The following NLN variants were observed in gnomAD, a reference collection of about 807,000 sequenced individuals.
NLN encodes the protein neurolysin.
A neutral mutation model predicts 79.9 loss-of-function variants in NLN; 64 were observed. That is an observed-to-expected ratio of 0.80 (90% confidence interval 0.65 to 0.99). The LOEUF (loss-of-function observed/expected upper bound fraction) is 0.99. Ranked by LOEUF, NLN falls within the 50% of genes least tolerant of loss-of-function variation. NLN has a pLI of 0.00. For synonymous variants in NLN, 267 were observed against 296.6 expected, an observed-to-expected ratio of 0.90 and a Z score of 1.02; for missense variants, 835 against 858.7, an observed-to-expected ratio of 0.97 and a Z score of 0.34.
chr5:65,826,425 G>C lies in NLN; in HGVS notation c.*3510G>C, dbSNP rs1760922530. ...TAACGAATACTGATTCCTCAAATAG[G>C]GTTTAAACATAGTTAACTGAGCCCC... On this transcript the variant is annotated 3_prime_UTR_variant, in exon 13 of 13. Coordinates refer to ENST00000380985, the MANE Select transcript of NLN (RefSeq NM_020726.5). 6.6e-6 allele frequency: 1 copy of C among 152,016 alleles called. No individual in the cohort carries two copies. Among genetic ancestry groups the C allele is most frequent in the South Asian group, 2.1e-4 (1 of 4,822 alleles). The allele number at this position is 152,016 out of a possible 1,614,324, so 9.4% of individuals were successfully genotyped here.
chr5:65,827,844 C>T lies in NLN; in HGVS notation c.*4929C>T, dbSNP rs1760947631. The T allele has an allele frequency of 6.6e-6, 1 of 152,102 alleles. No individual in the cohort carries two copies. The highest frequency in any genetic ancestry group is 2.1e-4 in the South Asian group (1 of 4,824). The allele number at this position is 152,102 out of a possible 1,614,324, so 9.4% of individuals were successfully genotyped here. ...CCAGCTTGGCCAACATGGCGAAACC[C>T]GTCTCTACTAAAGAATACAAAAATT... On this transcript the variant is annotated 3_prime_UTR_variant, in exon 13 of 13. Coordinates refer to ENST00000380985, the MANE Select transcript of NLN (RefSeq NM_020726.5).
rs547218858 is a variant in NLN at position 65,823,736 on chromosome 5, A to G, written c.*821A>G. ...AGTCCAAGCACATTTTTCTCTTCTC[A>G]CGTTTCTAATAAGTGTTAGGGACTT... On this transcript the variant is annotated 3_prime_UTR_variant, in exon 13 of 13. Coordinates refer to ENST00000380985, the MANE Select transcript of NLN (RefSeq NM_020726.5). 1.3e-5 allele frequency: 2 copies of G among 152,158 alleles called. No individual in the cohort carries two copies. Among genetic ancestry groups the G allele is most frequent in the East Asian group, 3.9e-4 (2 of 5,184 alleles). 9.4% of individuals were successfully genotyped at this position (152,158 alleles called of 1,614,324 possible).
chr5:65,828,404 G>A lies in NLN; in HGVS notation c.*5489G>A, dbSNP rs938203665. The A allele has an allele frequency of 1.3e-5, 2 of 152,162 alleles. No homozygotes were observed. The highest frequency in any genetic ancestry group is 6.5e-5 in the Admixed American group (1 of 15,272). 9.4% of individuals were successfully genotyped at this position (152,162 alleles called of 1,614,324 possible). A position where few individuals can be genotyped will look rare whatever the true frequency, so the allele number is the denominator to read the frequency against. ...TTTGCAGGAGCAGTAACAAGATGGT[G>A]ATAACTTTGAAAATACTTCTCAAAA... On this transcript the variant is annotated 3_prime_UTR_variant, in exon 13 of 13. Coordinates refer to ENST00000380985, the MANE Select transcript of NLN (RefSeq NM_020726.5).
chr5:65,770,181 T>A (rs1001895430), intron 3 of NLN, among the ~76,000 whole-genome samples: 1 of 152,148 alleles, frequency 6.6e-6, no homozygotes, highest in Non-Finnish European at 1.5e-5. Flanking sequence ...CTGCTAACTA[T>A]GAAATATAAG....
chr5:65,770,188 T>C (rs1759537995), intron 3 of NLN, among the ~76,000 whole-genome samples: 1 of 152,186 alleles, frequency 6.6e-6, no homozygotes, highest in South Asian at 2.1e-4. Context: ...CTATGAAATA[T>C]AAGGCTAATA....
At chr5:65,756,508 T>G (rs530621067) in intron 1 of NLN, among the ~76,000 whole-genome samples, 2 of 152,306 alleles carry the variant, frequency 1.3e-5, no homozygotes, top group South Asian at 4.1e-4. Context: ...ACTTCTCTCT[T>G]GAATGATCTC....
At chr5:65,778,435 A>G (rs949464529) in intron 4 of NLN, among the ~76,000 whole-genome samples, 2 of 152,144 alleles carry the variant, frequency 1.3e-5, no homozygotes, top group African/African-American at 4.8e-5. Context: ...AGATATGGGT[A>G]CCTTTCTCCC....
chr5:65,756,684 G>T (rs535383473), intron 1 of NLN, among the ~76,000 whole-genome samples: 1 of 152,056 alleles, frequency 6.6e-6, no homozygotes, highest in Admixed American at 6.6e-5. Flanking sequence ...TTAATGTTTC[G>T]TAGAGACAAT....
chr5:65,746,914 G>C lies in NLN; in HGVS notation c.42-11653G>C, dbSNP rs890393361. Among the ~76,000 whole-genome samples, 6 of 151,798 alleles carry C rather than the reference G, an allele frequency of 4.0e-5. No homozygotes were observed. In the South Asian group the frequency reaches 8.3e-4, roughly 21 times the overall value. ...AGCTACTCGGGAGGCTGAGGCAGGA[G>C]AATGGCGTGAACCCAAGAGGCGGAG... On this transcript the variant is annotated intron_variant, in intron 1 of 12. Coordinates refer to ENST00000380985, the MANE Select transcript of NLN (RefSeq NM_020726.5).
At chr5:65,815,256 T>G (rs1760645157) in intron 12 of NLN, among the ~76,000 whole-genome samples, 2 of 152,182 alleles carry the variant, frequency 1.3e-5, no homozygotes, top group Non-Finnish European at 2.9e-5. Flanking sequence ...GCTGTCAAGG[T>G]AGCAGCCAAA....
chr5:65,820,737 T>C (rs1760774658), intron 12 of NLN, among the ~76,000 whole-genome samples: 1 of 151,970 alleles, frequency 6.6e-6, no homozygotes, highest in African/African-American at 2.4e-5. Flanking sequence ...TTTGTTTGTT[T>C]GTTTTCCCGA....
chr5:65,785,278 T>A (rs1425681983), intron 6 of NLN, among the ~76,000 whole-genome samples: 1 of 152,192 alleles, frequency 6.6e-6, no homozygotes, highest in Non-Finnish European at 1.5e-5. Flanking sequence ...TACATTCTCA[T>A]CAGCAATGTG....
At chr5:65,726,620 T>C (rs889486022) in intron 1 of NLN, among the ~76,000 whole-genome samples, 1 of 152,208 alleles carries the variant, frequency 6.6e-6, no homozygotes, top group Non-Finnish European at 1.5e-5. Flanking sequence ...GCTGCCGATA[T>C]GTGGTATTAG....
intron 1 of NLN, 39 bp downstream of exon 1, chr5:65,722,453 G>C: frequency 1.3e-6 from 2 of 1,552,688 alleles, no homozygotes; most frequent in Non-Finnish European, 1.7e-6. Flanking sequence ...CCGTGGGCAG[G>C]GCGGGGTCTT....
At chr5:65,762,565 G>T (rs1180483708) in intron 2 of NLN, among the ~76,000 whole-genome samples, 1 of 151,952 alleles carries the variant, frequency 6.6e-6, no homozygotes, top group Non-Finnish European at 1.5e-5. Context: ...GCATGCCTGT[G>T]GTCCCAGATA....
intron 9 of NLN, among the ~76,000 whole-genome samples, chr5:65,799,841 C>T (rs1178846619): frequency 2.0e-5 from 3 of 152,108 alleles, no homozygotes; most frequent in Non-Finnish European, 2.9e-5. Flanking sequence ...CCAGTGATCA[C>T]TCGGTATGTG....
rs115510272 is a variant in NLN at position 65,763,706 on chromosome 5, T to G, written c.450+598T>G. 2.6e-3 allele frequency among the ~76,000 whole-genome samples: 400 copies of G among 151,206 alleles called. 4 individuals are homozygous for G. The highest frequency in any genetic ancestry group is 9.3e-3 in the African/African-American group (384 of 41,146). On this transcript the variant is annotated intron_variant, in intron 3 of 12. Transcript: ENST00000380985. ...GTTTCAAAATTCCAGGCTTTTTTTTTGTTTAATTTTGCATGTTTCTTTCTG... is the reference window on the plus strand; with the variant it reads ...GTTTCAAAATTCCAGGCTTTTTTTTGGTTTAATTTTGCATGTTTCTTTCTG...
Position 65,758,759 on chromosome 5 carries a change from C to T in NLN, c.234C>T (p.Leu78=), listed in dbSNP as rs1224863966. The part of the protein sequence containing the change: ...TKQVYDAVGM[L]GIEEVTYENC... ...AGGTGTACGATGCTGTTGGAATGCT[C>T]GGTATTGAGGAAGTAACTTACGAGA... is the stretch of plus-strand genomic sequence containing the variant. Residue 78 remains leucine (L), a synonymous_variant, in exon 2 of 13, where the codon CTC becomes CTT. Coordinates refer to ENST00000380985, the MANE Select transcript of NLN (RefSeq NM_020726.5). 3.1e-6 allele frequency: 5 copies of T among 1,613,442 alleles called. No homozygotes were observed. The highest frequency in any genetic ancestry group is 1.1e-5 in the South Asian group (1 of 91,062).
At chr5:65,750,359 G>A (rs1759078536) in intron 1 of NLN, among the ~76,000 whole-genome samples, 1 of 152,204 alleles carries the variant, frequency 6.6e-6, no homozygotes, top group Admixed American at 6.5e-5. Context: ...GGACTGCACA[G>A]GTCTAGTGGA....
Sources: gnomAD v4.1 joint callset for allele counts (sites outside exome capture counted in the v4.1 genomes callset) on GRCh38, gnomAD v4.1.1 for gene constraint, MANE v1.5 for transcripts, NCBI Gene and HGNC (gene_info 2026-07-23, HGNC 2026-07-21) for gene names.